The following DNAH6 variants were observed in gnomAD, a reference collection of about 807,000 sequenced individuals.
DNAH6 encodes the protein dynein axonemal heavy chain 6.
Under a neutral mutation model 491.4 loss-of-function variants are expected in DNAH6, and 340 were observed. The ratio of observed to expected loss-of-function variants is 0.69; its 90% CI spans 0.63 to 0.76. The LOEUF is 0.76. Among genes scored for constraint, DNAH6 ranks in the 30% least tolerant of loss-of-function variants. The pLI, the probability that DNAH6 is intolerant of heterozygous loss-of-function variation, is 0.00. For synonymous variants in DNAH6, 1,603 were observed against 1,686.1 expected, an observed-to-expected ratio of 0.95 and a Z score of 1.21; for missense variants, 4,443 against 4,972.2, an observed-to-expected ratio of 0.89 and a Z score of 3.20.
In DNAH6 at chr2:84,681,395, T is replaced by C. The variant is rs753368670; in HGVS notation, c.6783T>C (p.Ala2261=). The C allele has an allele frequency of 9.0e-6, 14 of 1,551,214 alleles. No homozygotes were observed. Among genetic ancestry groups the C allele is most frequent in the Non-Finnish European group, 1.2e-5 (14 of 1,146,760 alleles). The change falls in exon 42 of 77, where the codon GCT becomes GCC. Residue 2261 remains alanine (A), a synonymous_variant. Coordinates refer to ENST00000389394, the MANE Select transcript of DNAH6 (RefSeq NM_001370.2). ...GTTTCCTGAGTGACTTTCCACCAGCTGTAAAGCAAACTGCATCAAGCATTG... is the reference window on the plus strand; with the variant it reads ...GTTTCCTGAGTGACTTTCCACCAGCCGTAAAGCAAACTGCATCAAGCATTG... ...LNGFLSDFPP[A]VKQTASSIVE...
the DNAH6 span, among the ~76,000 whole-genome samples, chr2:84,473,312 T>C: frequency 6.6e-6 from 1 of 152,242 alleles, no homozygotes; most frequent in Admixed American, 6.5e-5. Context: ...TTAGCTTTGT[T>C]GTGCGCAGTC....
intron 64 of DNAH6, among the ~76,000 whole-genome samples, chr2:84,764,065 A>AC (rs1242143291): frequency 6.6e-6 from 1 of 152,176 alleles, no homozygotes; most frequent in Non-Finnish European, 1.5e-5. Context: ...TAGGAAGGGC[A>AC]ATTTGCTTTA....
intron 42 of DNAH6, 120 bp downstream of exon 42, chr2:84,681,648 C>G: frequency 1.2e-6 from 1 of 838,568 alleles, no homozygotes; most frequent in South Asian, 3.7e-5. Flanking sequence ...AATCCCATCA[C>G]CTGTTCCTAT....
intron 64 of DNAH6, among the ~76,000 whole-genome samples, chr2:84,767,679 A>G (rs934279545): frequency 1.3e-5 from 2 of 152,134 alleles, no homozygotes; most frequent in Admixed American, 6.6e-5. Context: ...AGAGGCAGAG[A>G]TACAGTGACA....
chr2:84,760,745 A>C (rs1165329881), intron 63 of DNAH6, among the ~76,000 whole-genome samples: 1 of 152,126 alleles, frequency 6.6e-6, no homozygotes, highest in Non-Finnish European at 1.5e-5. Flanking sequence ...GGAAAACAGT[A>C]TTTAAAAAAA....
intron 3 of DNAH6, among the ~76,000 whole-genome samples, chr2:84,526,568 A>AT (rs945988764): frequency 8.5e-5 from 13 of 152,156 alleles, no homozygotes; most frequent in African/African-American, 2.9e-4. Context: ...CAGTCAGTGA[A>AT]TAAAAAGCCA....
intron 52 of DNAH6, among the ~76,000 whole-genome samples, chr2:84,706,495 G>T (rs1444574058): frequency 6.6e-6 from 1 of 152,170 alleles, no homozygotes; most frequent in Non-Finnish European, 1.5e-5. Flanking sequence ...AAAACAGGCA[G>T]CAGGCTAGAT....
the DNAH6 span, among the ~76,000 whole-genome samples, chr2:84,494,620 TGTAGAA>T: frequency 6.6e-6 from 1 of 152,206 alleles, no homozygotes; most frequent in East Asian, 1.9e-4. Flanking sequence ...GGGGACAGTT[TGTAGAA>T]GTGACTAGAG....
At chr2:84,691,232 G>A (rs563468464) in intron 45 of DNAH6, among the ~76,000 whole-genome samples, 1 of 152,184 alleles carries the variant, frequency 6.6e-6, no homozygotes, top group Non-Finnish European at 1.5e-5. Flanking sequence ...TTTGTTTCCA[G>A]TAGTTTCAGA....
At chr2:84,508,646 T>G in the DNAH6 span, among the ~76,000 whole-genome samples, 2 of 152,240 alleles carry the variant, frequency 1.3e-5, no homozygotes, top group African/African-American at 4.8e-5. Context: ...CTAGTTCTTT[T>G]AATTGTGATG....
intron 11 of DNAH6, among the ~76,000 whole-genome samples, chr2:84,566,373 A>C (rs1016257387): frequency 1.3e-5 from 2 of 152,102 alleles, no homozygotes; most frequent in African/African-American, 4.8e-5. Flanking sequence ...TAATATATTT[A>C]GGAATAAATT....
At chr2:84,816,283 T>TA (rs1680481007) in intron 76 of DNAH6, among the ~76,000 whole-genome samples, 200 bp downstream of exon 76, 1 of 152,198 alleles carries the variant, frequency 6.6e-6, no homozygotes, top group Admixed American at 6.5e-5. Context: ...ATTATAGAAT[T>TA]AATTCTTGCT....
In DNAH6 at chr2:84,579,794, A is replaced by G. The variant is rs1159171069; in HGVS notation, c.2229+115A>G. 6.9e-6 allele frequency: 6 copies of G among 873,260 alleles called. No individual in the cohort carries two copies. In the African/African-American group the frequency reaches 8.6e-5, roughly 13 times the overall value. The allele number at this position is 873,260 out of a possible 1,614,324, so 54.1% of individuals were successfully genotyped here. ...AAAAGACAGCTGTCAAATATCAGAA[A>G]CACTTTCAAAGTAAGTGGATGTTCT... On this transcript the variant is annotated intron_variant, in intron 14 of 76. Transcript: ENST00000389394.
chr2:84,612,054 T>A (rs1156486269), intron 22 of DNAH6, among the ~76,000 whole-genome samples, 200 bp downstream of exon 22: 8 of 152,090 alleles, frequency 5.3e-5, no homozygotes, highest in Non-Finnish European at 1.2e-4. Flanking sequence ...TGGACTTTTT[T>A]TTATTATTAT....
At position 84,671,143 on chromosome 2, in the gene DNAH6, A is replaced by G. The variant is rs17025413; in HGVS notation, c.6454+668A>G. ...GGAATGGGAGGAGAAGAAGGAAAGGACAAGTTTCTTCTCCCTAGCCAGTGT... is the reference window on the plus strand; with the variant it reads ...GGAATGGGAGGAGAAGAAGGAAAGGGCAAGTTTCTTCTCCCTAGCCAGTGT... On this transcript the variant is annotated intron_variant, in intron 39 of 76. Coordinates refer to ENST00000389394, the MANE Select transcript of DNAH6 (RefSeq NM_001370.2). Among the ~76,000 whole-genome samples the G allele has an allele frequency of 3.9e-3, 586 of 152,162 alleles. 17 individuals are homozygous for G. In the East Asian group the frequency reaches 0.093, roughly 24 times the overall value.
At position 84,745,063 on chromosome 2, in the gene DNAH6, T is replaced by C; in HGVS notation, c.10343-17T>C. 7.0e-7 allele frequency: 1 copy of C among 1,430,220 alleles called. No homozygotes were observed. The allele number at this position is 1,430,220 out of a possible 1,614,324, so 88.6% of individuals were successfully genotyped here. On this transcript the variant is annotated splice_polypyrimidine_tract_variant and intron_variant, in intron 62 of 76. Transcript: ENST00000389394. ...AACAAATCTAATTAAATTATCTTTT[T>C]TAAATTGTATTTCCAGGATCTTTTG...
chr2:84,479,800 C>G, the DNAH6 span, among the ~76,000 whole-genome samples: 1 of 152,350 alleles, frequency 6.6e-6, no homozygotes, highest in Admixed American at 6.5e-5. Flanking sequence ...AGAATAACCC[C>G]CCTTGTTCTT....
At chr2:84,782,783 C>T (rs1023895146) in intron 65 of DNAH6, among the ~76,000 whole-genome samples, 17 of 152,014 alleles carry the variant, frequency 1.1e-4, no homozygotes, top group African/African-American at 4.1e-4. Context: ...GGTCAGGGGT[C>T]CCCAGTGATT....
At chr2:84,511,337 T>C in the DNAH6 span, among the ~76,000 whole-genome samples, 6 of 151,166 alleles carry the variant, frequency 4.0e-5, no homozygotes, top group Admixed American at 3.3e-4. Flanking sequence ...GTGCTAGCAA[T>C]GAGTGAGGCT....
Sources: gnomAD v4.1 joint callset for allele counts (sites outside exome capture counted in the v4.1 genomes callset) on GRCh38, gnomAD v4.1.1 for gene constraint, MANE v1.5 for transcripts, NCBI Gene and HGNC (gene_info 2026-07-23, HGNC 2026-07-21) for gene names.